MALRD1: variants seen among roughly 807,000 people sequenced by gnomAD.
MALRD1 encodes MAM and LDL receptor class A domain containing 1, also known as MAM and LDL-receptor class A domain-containing protein 1.
A neutral mutation model predicts 242.1 loss-of-function variants in MALRD1; 247 were observed. That is an observed-to-expected ratio of 1.02 (90% CI 0.92 to 1.13). The LOEUF is 1.13. Among genes scored for constraint, MALRD1 ranks in the 50% most tolerant of loss-of-function variants. The pLI, the probability that MALRD1 is intolerant of heterozygous loss-of-function variation, is 0.00. For missense variants in MALRD1, 2,989 were observed against 2,533.1 expected (o/e 1.18, Z -3.86); for synonymous variants, 995 against 866.6 (o/e 1.15, Z -2.60).
intron 28 of MALRD1, among the ~76,000 whole-genome samples, chr10:19,396,915 A>G (rs1846610133): frequency 6.6e-6 from 1 of 152,172 alleles, no homozygotes; most frequent in Non-Finnish European, 1.5e-5. Context: ...AATATAACTC[A>G]GACATTTTAA....
chr10:19,538,080 C>A (rs1834768473), intron 32 of MALRD1, among the ~76,000 whole-genome samples: 1 of 152,092 alleles, frequency 6.6e-6, no homozygotes, highest in South Asian at 2.1e-4. Context: ...TGAAGTGTAT[C>A]ATATAAAGTG....
intron 28 of MALRD1, among the ~76,000 whole-genome samples, chr10:19,396,394 C>A (rs1219689310): frequency 5.3e-5 from 8 of 152,052 alleles, no homozygotes; most frequent in African/African-American, 2.4e-5. Flanking sequence ...TCTCGGCCTT[C>A]CAAAGAGCTG....
chr10:19,477,517 G>T (rs1236037075), intron 29 of MALRD1, among the ~76,000 whole-genome samples: 1 of 152,158 alleles, frequency 6.6e-6, no homozygotes, highest in African/African-American at 2.4e-5. Context: ...GCTTGGTCAT[G>T]AAGTGGCATC....
intron 32 of MALRD1, among the ~76,000 whole-genome samples, chr10:19,538,508 C>A (rs1834785544): frequency 6.6e-6 from 1 of 152,010 alleles, no homozygotes; most frequent in African/African-American, 2.4e-5. Flanking sequence ...ATCCATACTG[C>A]CAAAAGAGCC....
intron 32 of MALRD1, among the ~76,000 whole-genome samples, chr10:19,562,845 C>T (rs1162199253): frequency 6.6e-6 from 1 of 152,096 alleles, no homozygotes. Flanking sequence ...ATTGTGTGCT[C>T]CTCATGAGGA....
At chr10:19,701,258 C>T (rs1833614537) in intron 38 of MALRD1, among the ~76,000 whole-genome samples, 1 of 152,184 alleles carries the variant, frequency 6.6e-6, no homozygotes. Flanking sequence ...GTTCAGCCTA[C>T]TCAAGGTCTT....
chr10:19,200,645 G>GTTTTTTTT (rs71387053), intron 14 of MALRD1, among the ~76,000 whole-genome samples: 10 of 69,446 alleles, frequency 1.4e-4, no homozygotes, highest in African/African-American at 4.1e-4. Context: ...CCTGCTTGAG[G>GTTTTTTTT]TTTTTTTTTT....
chr10:19,581,506 G>A (rs7923164), intron 33 of MALRD1, among the ~76,000 whole-genome samples: 1 of 149,480 alleles, frequency 6.7e-6, no homozygotes, highest in Non-Finnish European at 1.5e-5. Context: ...TACTGAGAAT[G>A]ATGATTTCCA....
chr10:19,289,819 G>A (rs758791936), intron 21 of MALRD1, among the ~76,000 whole-genome samples: 2 of 152,104 alleles, frequency 1.3e-5, no homozygotes, highest in Admixed American at 6.6e-5. Flanking sequence ...TAAGGATGTT[G>A]TTTTGGAAAT....
At chr10:19,699,967 A>C (rs1010965243) in intron 38 of MALRD1, among the ~76,000 whole-genome samples, 2 of 151,738 alleles carry the variant, frequency 1.3e-5, no homozygotes. Context: ...TTAATATATC[A>C]TAGTATATCA....
rs1392985787 is a variant in MALRD1 at position 19,285,729 on chromosome 10, G to A, written c.3419+2548G>A. Among the ~76,000 whole-genome samples, 51 of 124,738 alleles carry A rather than the reference G, an allele frequency of 4.1e-4. 4 individuals are homozygous for A. Among genetic ancestry groups the A allele is most frequent in the Admixed American group, 8.4e-4 (10 of 11,900 alleles). The allele number at this position is 124,738 out of a possible 152,430, so 81.8% of individuals were successfully genotyped here. ...TCTTTTGGCTCAGGATTGACTTGGC[G>A]ATGCGGGCTCTTTTTTGGTTCCATA... On this transcript the variant is annotated intron_variant, in intron 21 of 39. Transcript: ENST00000454679.
chr10:19,388,284 C>G (rs995243268), intron 27 of MALRD1, among the ~76,000 whole-genome samples: 8 of 152,160 alleles, frequency 5.3e-5, no homozygotes, highest in Non-Finnish European at 1.2e-4. Context: ...AGGTCACATT[C>G]ATAAGAACTG....
At position 19,517,604 on chromosome 10, in the gene MALRD1, A is replaced by G. The variant is rs145987129; in HGVS notation, c.5321-13590A>G. Reference sequence around the variant, plus strand: ...TATATATGAAATCAGCTGGTGTTCCAGATGGGGGAGTTCTAGATACCTTGG... The same window carrying G: ...TATATATGAAATCAGCTGGTGTTCCGGATGGGGGAGTTCTAGATACCTTGG... On this transcript the variant is annotated intron_variant, in intron 31 of 39. Transcript: ENST00000454679. Among the ~76,000 whole-genome samples the G allele has an allele frequency of 3.2e-3, 487 of 152,332 alleles. 4 individuals carry two copies. The highest frequency in any genetic ancestry group is 0.011 in the African/African-American group (455 of 41,572).
At chr10:19,571,166 A>C (rs901859549) in intron 33 of MALRD1, among the ~76,000 whole-genome samples, 14 of 152,152 alleles carry the variant, frequency 9.2e-5, no homozygotes, top group African/African-American at 3.4e-4. Flanking sequence ...TGCCAAAGTT[A>C]AGGAACATCA....
intron 11 of MALRD1, among the ~76,000 whole-genome samples, chr10:19,153,975 T>C (rs749025643): frequency 3.3e-5 from 5 of 152,192 alleles, no homozygotes; most frequent in Non-Finnish European, 5.9e-5. Context: ...AAAATATTCA[T>C]TTGAATTTTA....
At chr10:19,709,920 A>C (rs1340969196) in intron 38 of MALRD1, among the ~76,000 whole-genome samples, 12 of 152,160 alleles carry the variant, frequency 7.9e-5, no homozygotes, top group Non-Finnish European at 1.8e-4. Context: ...AAGTAGGGAC[A>C]GTATTGTGCG....
chr10:19,617,413 G>A (rs1242521877), intron 36 of MALRD1, among the ~76,000 whole-genome samples: 1 of 151,952 alleles, frequency 6.6e-6, no homozygotes, highest in East Asian at 1.9e-4. Context: ...TTTACAAATA[G>A]TGAAATAACT....
intron 20 of MALRD1, among the ~76,000 whole-genome samples, chr10:19,281,631 T>C (rs1440066261): frequency 1.3e-5 from 2 of 152,210 alleles, no homozygotes; most frequent in African/African-American, 4.8e-5. Flanking sequence ...ACAAATCTGC[T>C]TGTAAACTAT....
chr10:19,483,536 A>G (rs1837107909), intron 29 of MALRD1, among the ~76,000 whole-genome samples: 1 of 152,206 alleles, frequency 6.6e-6, no homozygotes, highest in Non-Finnish European at 1.5e-5. Flanking sequence ...AACGAACATG[A>G]AAAATGTTCC....
Sources: allele counts gnomAD v4.1 joint callset (sites outside exome capture counted in the v4.1 genomes callset), GRCh38; gene constraint gnomAD v4.1.1; transcripts MANE v1.5; gene names NCBI Gene and HGNC (gene_info 2026-07-23, HGNC 2026-07-21).